FER: variants seen among roughly 807,000 people sequenced by gnomAD.
The protein encoded by FER is FER tyrosine kinase, also known as tyrosine-protein kinase Fer.
A neutral mutation model predicts 111.0 loss-of-function variants in FER; 63 were observed. The ratio of observed to expected loss-of-function variants is 0.57; its 90% CI spans 0.46 to 0.70. The LOEUF is 0.70. Among genes scored for constraint, FER ranks in the 30% least tolerant of loss-of-function variants. The pLI is 0.00. For missense variants in FER, 914 were observed against 954.0 expected (o/e 0.96, Z 0.55); for synonymous variants, 327 against 313.9 (o/e 1.04, Z -0.44).
At chr5:109,028,035 A>T (rs894501639) in intron 13 of FER, among the ~76,000 whole-genome samples, 1 of 152,134 alleles carries the variant, frequency 6.6e-6, no homozygotes, top group Admixed American at 6.6e-5. Flanking sequence ...TTTGGAACAG[A>T]GTTATTGTGG....
At chr5:109,139,346 CTTTCTT>C (rs1753265376) in intron 17 of FER, among the ~76,000 whole-genome samples, 1 of 87,032 alleles carries the variant, frequency 1.1e-5, no homozygotes, top group Non-Finnish European at 2.1e-5. Flanking sequence ...CTCCTTCTTT[CTTTCTT>C]TTTTTTTTTT....
chr5:108,925,394 A>G (rs1445282684), intron 10 of FER, among the ~76,000 whole-genome samples: 1 of 152,020 alleles, frequency 6.6e-6, no homozygotes, highest in African/African-American at 2.4e-5. Flanking sequence ...ATCAATGTTT[A>G]TGGTTTAATT....
intron 16 of FER, among the ~76,000 whole-genome samples, chr5:109,071,910 G>A (rs1015096025): frequency 6.6e-6 from 1 of 151,138 alleles, no homozygotes; most frequent in African/African-American, 2.4e-5. Context: ...ATCGTCATGA[G>A]GGAATTTTTC....
intron 1 of FER, among the ~76,000 whole-genome samples, chr5:108,762,447 A>G (rs900534594): frequency 6.6e-6 from 1 of 152,136 alleles, no homozygotes; most frequent in Non-Finnish European, 1.5e-5. Context: ...CTCCTTCTGC[A>G]TGATTCCTAA....
chr5:109,182,507 T>A (rs911593076), intron 18 of FER, among the ~76,000 whole-genome samples: 5 of 152,192 alleles, frequency 3.3e-5, no homozygotes, highest in African/African-American at 1.2e-4. Context: ...AGGGGGATGA[T>A]CACAGGATAA....
At chr5:108,963,754 T>C (rs1406545116) in intron 13 of FER, among the ~76,000 whole-genome samples, 1 of 152,172 alleles carries the variant, frequency 6.6e-6, no homozygotes, top group Non-Finnish European at 1.5e-5. Context: ...TACTGACTTG[T>C]CCTGGGGAGA....
chr5:109,000,345 C>G (rs1399191951), intron 13 of FER, among the ~76,000 whole-genome samples: 1 of 151,112 alleles, frequency 6.6e-6, no homozygotes, highest in Non-Finnish European at 1.5e-5. Flanking sequence ...AAAACAAACT[C>G]TCTAGTAAAA....
At chr5:108,968,989 A>C (rs1412998302) in intron 13 of FER, among the ~76,000 whole-genome samples, 3 of 152,168 alleles carry the variant, frequency 2.0e-5, no homozygotes, top group African/African-American at 7.2e-5. Flanking sequence ...TTATTCACCT[A>C]TTAGATTAGC....
At chr5:109,007,941 T>A (rs1765709285) in intron 13 of FER, among the ~76,000 whole-genome samples, 1 of 152,328 alleles carries the variant, frequency 6.6e-6, no homozygotes, top group South Asian at 2.1e-4. Flanking sequence ...TTAAAATAAA[T>A]AAATTAGATA....
Position 109,164,582 on chromosome 5 carries a change from CTTG to C in FER, c.2049-16159_2049-16157del, listed in dbSNP as rs199838173. ...TTGCTCTTAACTATGTGTCTTGATT[CTTG>C]TTGTTTTCACTATATTTGCTGCATT... On this transcript the variant is annotated intron_variant, in intron 17 of 19. Coordinates refer to ENST00000281092, the MANE Select transcript of FER (RefSeq NM_005246.4). Among the ~76,000 whole-genome samples, 1,290 of 152,192 alleles carry C rather than the reference CTTG, an allele frequency of 8.5e-3. 10 individuals are homozygous for C. The highest frequency in any genetic ancestry group is 0.013 in the Admixed American group (206 of 15,274).
intron 13 of FER, among the ~76,000 whole-genome samples, chr5:109,001,721 A>T (rs1176648883): frequency 1.3e-5 from 2 of 152,208 alleles, no homozygotes; most frequent in Non-Finnish European, 2.9e-5. Flanking sequence ...ACATGATTGT[A>T]TATCTAGAAA....
chr5:108,788,534 CT>C lies in FER; in HGVS notation c.-59-9577del, dbSNP rs111580201. ...CCTAATGATCCTGCGACACTAATATCTTTTTTTTTTTTTCCCTCCTGATGCC... is the reference window on the plus strand; with the variant it reads ...CCTAATGATCCTGCGACACTAATATCTTTTTTTTTTTTCCCTCCTGATGCC... On this transcript the variant is annotated intron_variant, in intron 2 of 19. Transcript: ENST00000281092. 1.3e-3 allele frequency among the ~76,000 whole-genome samples: 189 copies of C among 145,998 alleles called. 1 individual carries two copies. The highest frequency in any genetic ancestry group is 5.3e-3 in the South Asian group (24 of 4,556).
intron 10 of FER, among the ~76,000 whole-genome samples, chr5:108,900,503 A>G (rs989426537): frequency 4.6e-5 from 7 of 152,226 alleles, no homozygotes; most frequent in Non-Finnish European, 1.5e-5. Flanking sequence ...TTCCATTGCT[A>G]TAAATGGTAT....
Position 108,917,423 on chromosome 5 carries a change from T to C in FER, c.1236+19575T>C, listed in dbSNP as rs552961578. 1.1e-4 allele frequency among the ~76,000 whole-genome samples: 16 copies of C among 152,318 alleles called. No individual in the cohort carries two copies. The South Asian group carries it at 3.3e-3, about 32-fold the overall frequency. On this transcript the variant is annotated intron_variant, in intron 10 of 19. Coordinates refer to ENST00000281092, the MANE Select transcript of FER (RefSeq NM_005246.4). ...ACACTAGACCAATGAAACACTGGTCTTTTGTTCTCCACAGGAATATGAAAG... is the reference window on the plus strand; with the variant it reads ...ACACTAGACCAATGAAACACTGGTCCTTTGTTCTCCACAGGAATATGAAAG...
chr5:108,811,002 T>A (rs577180888), intron 3 of FER, among the ~76,000 whole-genome samples: 1 of 152,060 alleles, frequency 6.6e-6, no homozygotes, highest in East Asian at 1.9e-4. Flanking sequence ...GGTGGGTGTG[T>A]CAGCCTGCTT....
chr5:109,113,130 G>A (rs1027575801), intron 17 of FER, among the ~76,000 whole-genome samples: 4 of 152,276 alleles, frequency 2.6e-5, no homozygotes, highest in Admixed American at 1.3e-4. Flanking sequence ...ACCTGATGAT[G>A]TCAGAATAAT....
intron 13 of FER, among the ~76,000 whole-genome samples, chr5:108,959,896 C>A (rs1581401245): frequency 6.6e-6 from 1 of 152,168 alleles, no homozygotes; most frequent in African/African-American, 2.4e-5. Context: ...GAAAACACTA[C>A]TTACATGTGC....
intron 13 of FER, among the ~76,000 whole-genome samples, chr5:109,008,270 A>G (rs570696403): frequency 6.6e-6 from 1 of 152,344 alleles, no homozygotes; most frequent in South Asian, 2.1e-4. Context: ...GACTACAACT[A>G]TCATTAAAGA....
chr5:108,964,055 A>G (rs1474410227), intron 13 of FER, among the ~76,000 whole-genome samples: 1 of 152,136 alleles, frequency 6.6e-6, no homozygotes, highest in Non-Finnish European at 1.5e-5. Flanking sequence ...ATTCATTAAG[A>G]GCTATTGTGT....
Sources: allele counts gnomAD v4.1 joint callset (sites outside exome capture counted in the v4.1 genomes callset), GRCh38; gene constraint gnomAD v4.1.1; transcripts MANE v1.5; gene names NCBI Gene and HGNC (gene_info 2026-07-23, HGNC 2026-07-21).